Variants in ACCS observed in about 807,000 individuals in gnomAD.
ACCS encodes the protein 1-aminocyclopropane-1-carboxylate synthase homolog (inactive), also known as 1-aminocyclopropane-1-carboxylate synthase-like protein 1.
A neutral mutation model predicts 59.8 loss-of-function variants in ACCS; 42 were observed. That is an observed-to-expected ratio of 0.70 (90% CI 0.55 to 0.91). The LOEUF is 0.91. Ranked by LOEUF, ACCS falls within the 40% of genes least tolerant of loss-of-function variation. The probability of loss-of-function intolerance (pLI) is 0.00; values close to 1 mark genes in which losing one functional copy is unlikely to be tolerated. For missense variants in ACCS, 602 were observed against 630.4 expected, an observed-to-expected ratio of 0.95 and a Z score of 0.48; for synonymous variants, 230 against 240.3, an observed-to-expected ratio of 0.96 and a Z score of 0.40.
At chr11:44,078,887 G>A (rs1953503946) in intron 9 of ACCS, 103 bp downstream of exon 9, 1 of 943,714 alleles carries the variant, frequency 1.1e-6, no homozygotes, top group Non-Finnish European at 1.6e-6. Context: ...ACTGTGGGCT[G>A]CTACTTGCTT....
chr11:44,081,081 G>T lies in ACCS; in HGVS notation c.969+16G>T. ...AACCAGCAAGGTGAGTTCCTGGCTGGCCTTGGGGGTGTCAGAAGGGTGGGA... is the reference window on the plus strand; with the variant it reads ...AACCAGCAAGGTGAGTTCCTGGCTGTCCTTGGGGGTGTCAGAAGGGTGGGA... On this transcript the variant is annotated intron_variant, in intron 11 of 14. Transcript: ENST00000263776. 6.2e-7 allele frequency: 1 copy of T among 1,614,212 alleles called. No homozygotes were observed. Among genetic ancestry groups the T allele is most frequent in the South Asian group, 1.1e-5 (1 of 91,084 alleles).
intron 3 of ACCS, among the ~76,000 whole-genome samples, chr11:44,072,644 A>G (rs1169391942): frequency 7.9e-5 from 12 of 152,220 alleles, no homozygotes; most frequent in Admixed American, 4.6e-4. Flanking sequence ...AAATATGACC[A>G]TTTTAGCATG....
chr11:44,083,921 G>A lies in ACCS; in HGVS notation c.*129G>A. 6.7e-7 allele frequency: 1 copy of A among 1,485,366 alleles called. No homozygotes were observed. The highest frequency in any genetic ancestry group is 8.9e-7 in the Non-Finnish European group (1 of 1,118,786). 92.0% of individuals were successfully genotyped at this position (1,485,366 alleles called of 1,614,324 possible). A position where few individuals can be genotyped will look rare whatever the true frequency, so the allele number is the denominator to read the frequency against. On this transcript the variant is annotated 3_prime_UTR_variant, in exon 15 of 15. Transcript: ENST00000263776. Reference sequence around the variant, plus strand: ...TATCTAACTTGGCTTTGTGCCTGAAGAACTGTTTCTTGTCTTTCGCTGTAG... The same window carrying A: ...TATCTAACTTGGCTTTGTGCCTGAAAAACTGTTTCTTGTCTTTCGCTGTAG...
At chr11:44,078,062 G>A (rs191252184) in intron 8 of ACCS, 140 bp downstream of exon 8, 42 of 1,137,734 alleles carry the variant, frequency 3.7e-5, no homozygotes, top group South Asian at 2.2e-4. Context: ...TGGTAGCACA[G>A]AATTATTCTG....
At chr11:44,072,379 A>G (rs1953098873) in intron 3 of ACCS, 1 of 152,062 alleles carries the variant, frequency 6.6e-6, no homozygotes. Flanking sequence ...GCTGGTCTCG[A>G]ACTCCTGACC....
intron 5 of ACCS, 59 bp from the exon 6 acceptor site, chr11:44,075,467 G>A (rs1390492822): frequency 7.0e-6 from 11 of 1,569,594 alleles, no homozygotes; most frequent in African/African-American, 2.7e-5. Flanking sequence ...GGGAGGCTGC[G>A]GGTCCGTGCA....
chr11:44,083,869 C>T lies in ACCS; in HGVS notation c.*77C>T, dbSNP rs1168334874. The T allele has an allele frequency of 1.2e-5, 19 of 1,540,552 alleles. No homozygotes were observed. The East Asian group carries it at 2.9e-4, about 24-fold the overall frequency. On this transcript the variant is annotated 3_prime_UTR_variant, in exon 15 of 15. Transcript: ENST00000263776. ...GCGTTCTGGGGCTGCAGAAGACTGA[C>T]TGTGGATGTGCCATTTGCCAGGAAG...
intron 13 of ACCS, 43 bp downstream of exon 13, chr11:44,083,354 T>A (rs1953725877): frequency 2.5e-6 from 4 of 1,612,490 alleles, no homozygotes; most frequent in African/African-American, 1.3e-5. Context: ...GTTTCAGGTC[T>A]CCCTCCAGCA....
At chr11:44,073,372 G>T in intron 3 of ACCS, 75 bp from the exon 4 acceptor site, 1 of 1,266,586 alleles carries the variant, frequency 7.9e-7, no homozygotes, top group Non-Finnish European at 1.1e-6. Context: ...CAAGCGTTCA[G>T]CTTTACCTGC....
At position 44,083,550 on chromosome 11, in the gene ACCS, T is replaced by G; in HGVS notation, c.1381T>G (p.Ser461Ala). The G allele has an allele frequency of 6.2e-7, 1 of 1,614,266 alleles. No individual in the cohort carries two copies. The highest frequency in any genetic ancestry group is 8.5e-7 in the Non-Finnish European group (1 of 1,180,042). The change falls in exon 14 of 15, where the codon TCA (serine) becomes GCA (alanine). Residue 461 changes from serine (S) to alanine (A), a missense_variant. Coordinates refer to ENST00000263776, the MANE Select transcript of ACCS (RefSeq NM_032592.4). ...GCCTGGTTGGTTTCGCTTTGTCTTC[T>G]CAGACCAGGTCCACCGGCTTTGCCT... ...KEPGWFRFVF[S>A]DQVHRLCLGM...
At chr11:44,080,650 T>C (rs1474191024) in intron 10 of ACCS, 1 of 260,348 alleles carries the variant, frequency 3.8e-6, no homozygotes, top group Non-Finnish European at 7.4e-6. Context: ...TCATGAATGC[T>C]AAAAGGGAGA....
chr11:44,078,433 G>C, intron 8 of ACCS: 1 of 445,528 alleles, frequency 2.2e-6, no homozygotes, highest in Non-Finnish European at 4.0e-6. Flanking sequence ...AGTGCAAAAG[G>C]CCAACCCAAA....
intron 2 of ACCS, among the ~76,000 whole-genome samples, chr11:44,070,775 C>G (rs1456003375): frequency 6.6e-6 from 1 of 152,182 alleles, no homozygotes; most frequent in Non-Finnish European, 1.5e-5. Flanking sequence ...TGCTTCTGTT[C>G]CTTCCAGACT....
intron 4 of ACCS, 130 bp from the exon 5 acceptor site, chr11:44,074,482 C>T (rs1001614478): frequency 1.6e-5 from 12 of 744,558 alleles, no homozygotes; most frequent in Non-Finnish European, 2.1e-5. Context: ...GAGACAGATA[C>T]ACCCACACCC....
At chr11:44,082,672 C>T (rs1080101) in intron 12 of ACCS, among the ~76,000 whole-genome samples, 40,271 of 151,946 alleles carry the variant, frequency 0.27, 6,281 homozygotes, top group Admixed American at 0.45. Context: ...TGGAACTGTT[C>T]AGCATCCTGA....
intron 8 of ACCS, chr11:44,078,439 C>A (rs1953479623): frequency 4.4e-6 from 2 of 454,778 alleles, no homozygotes. Flanking sequence ...AAAGGCCAAC[C>A]CAAAATTCTA....
intron 10 of ACCS, among the ~76,000 whole-genome samples, chr11:44,079,957 C>A (rs1590505620): frequency 6.6e-6 from 1 of 152,212 alleles, no homozygotes. Context: ...TTCATGCTCT[C>A]ATTCACTCAG....
chr11:44,080,878 G>A (rs1953606775), intron 10 of ACCS, 142 bp from the exon 11 acceptor site: 1 of 992,822 alleles, frequency 1.0e-6, no homozygotes, highest in Non-Finnish European at 1.5e-6. Context: ...GCATGGGAAT[G>A]GGTGGTTCAA....
chr11:44,079,468 A>G, intron 9 of ACCS, 63 bp from the exon 10 acceptor site: 2 of 1,414,896 alleles, frequency 1.4e-6, no homozygotes, highest in South Asian at 2.5e-5. Flanking sequence ...TTACCTCCCC[A>G]CCCTGTGGGA....
Sources: allele counts gnomAD v4.1 joint callset (sites outside exome capture counted in the v4.1 genomes callset), GRCh38; gene constraint gnomAD v4.1.1; transcripts MANE v1.5; gene names NCBI Gene and HGNC (gene_info 2026-07-23, HGNC 2026-07-21).